The following CSTPP1 variants were observed in gnomAD, a reference collection of about 807,000 sequenced individuals.
CSTPP1 encodes the protein centriolar satellite-associated tubulin polyglutamylase complex regulator 1.
chr11:47,160,261 C>G, the CSTPP1 span: 1 of 148,064 alleles, frequency 6.8e-6, no homozygotes, highest in Non-Finnish European at 1.5e-5. Context: ...GCCATGATCA[C>G]TGCACTCCAG....
At chr11:46,993,865 G>C in the CSTPP1 span, among the ~76,000 whole-genome samples, 4 of 152,134 alleles carry the variant, frequency 2.6e-5, no homozygotes, top group African/African-American at 9.7e-5. Context: ...AATTACCTTG[G>C]GCAGTATGGC....
At chr11:46,998,341 C>T in the CSTPP1 span, among the ~76,000 whole-genome samples, 2 of 152,158 alleles carry the variant, frequency 1.3e-5, no homozygotes, top group Non-Finnish European at 2.9e-5. Context: ...CTGTAGGCAG[C>T]TTTTATCTAC....
At chr11:46,965,151 A>G in the CSTPP1 span, among the ~76,000 whole-genome samples, 1 of 152,190 alleles carries the variant, frequency 6.6e-6, no homozygotes, top group Non-Finnish European at 1.5e-5. Flanking sequence ...TTGAATTTAA[A>G]ACAGAAAATT....
the CSTPP1 span, among the ~76,000 whole-genome samples, chr11:47,091,804 G>C: frequency 6.6e-6 from 1 of 152,154 alleles, no homozygotes; most frequent in African/African-American, 2.4e-5. Flanking sequence ...ACATGACATG[G>C]GGCCACAAGC....
At chr11:47,146,770 A>G in the CSTPP1 span, among the ~76,000 whole-genome samples, 1 of 152,238 alleles carries the variant, frequency 6.6e-6, no homozygotes, top group African/African-American at 2.4e-5. Context: ...AACAATCTGC[A>G]CGTCCCTCTG....
the CSTPP1 span, among the ~76,000 whole-genome samples, chr11:47,103,395 G>A: frequency 2.3e-4 from 25 of 107,378 alleles, no homozygotes; most frequent in Middle Eastern, 5.1e-3. Context: ...GCAAGACCCT[G>A]TCTCAAAAAA....
chr11:47,039,511 A>C, the CSTPP1 span, among the ~76,000 whole-genome samples: 2 of 126,232 alleles, frequency 1.6e-5, 1 homozygote, highest in Non-Finnish European at 3.8e-5. Context: ...GAGCTCTGGT[A>C]CTTTCTTATA....
At chr11:47,069,799 C>T in the CSTPP1 span, among the ~76,000 whole-genome samples, 1 of 152,168 alleles carries the variant, frequency 6.6e-6, no homozygotes, top group African/African-American at 2.4e-5. Flanking sequence ...CCTCCTCCTC[C>T]TGGGTCCTGG....
chr11:47,155,453 G>A, the CSTPP1 span: 10 of 615,288 alleles, frequency 1.6e-5, 1 homozygote, highest in South Asian at 9.5e-5. Context: ...CTGCAGAGCC[G>A]ACTTCCTCAG....
the CSTPP1 span, among the ~76,000 whole-genome samples, chr11:46,974,134 G>A: frequency 1.3e-5 from 2 of 152,266 alleles, no homozygotes; most frequent in East Asian, 1.9e-4. Context: ...CCAGGGGGCT[G>A]AGGCAGGAGG....
the CSTPP1 span, among the ~76,000 whole-genome samples, chr11:47,107,098 T>C: frequency 6.6e-6 from 1 of 152,172 alleles, no homozygotes; most frequent in African/African-American, 2.4e-5. Context: ...CTGAGCTGTG[T>C]AGTGGAGCAG....
the CSTPP1 span, among the ~76,000 whole-genome samples, chr11:47,010,276 T>C: frequency 6.6e-6 from 1 of 152,208 alleles, no homozygotes; most frequent in Admixed American, 6.5e-5. Flanking sequence ...ATGGAGATCA[T>C]GTTGAGAAAT....
At chr11:47,096,291 G>A in the CSTPP1 span, among the ~76,000 whole-genome samples, 1 of 152,072 alleles carries the variant, frequency 6.6e-6, no homozygotes, top group Non-Finnish European at 1.5e-5. Flanking sequence ...CGCATTTCCA[G>A]AACTTTTTCA....
At chr11:47,000,425 T>C in the CSTPP1 span, among the ~76,000 whole-genome samples, 7 of 152,298 alleles carry the variant, frequency 4.6e-5, no homozygotes, top group African/African-American at 1.7e-4. Context: ...TTCCACATAC[T>C]AATATAGAAA....
the CSTPP1 span, among the ~76,000 whole-genome samples, chr11:47,120,073 G>C: frequency 6.6e-6 from 1 of 152,120 alleles, no homozygotes; most frequent in Non-Finnish European, 1.5e-5. This position sits in a 1 kb window ranked among gnomAD's most constrained non-coding sequence, Gnocchi z 4.2. Context: ...ACAATCCTAA[G>C]AGTCACCTGA....
chr11:47,143,863 T>C, the CSTPP1 span, among the ~76,000 whole-genome samples: 5 of 152,196 alleles, frequency 3.3e-5, no homozygotes, highest in Admixed American at 2.0e-4. Flanking sequence ...TAATAATAGT[T>C]GTAATGATTG....
At chr11:47,158,955 A>G in the CSTPP1 span, among the ~76,000 whole-genome samples, 12 of 152,332 alleles carry the variant, frequency 7.9e-5, no homozygotes, top group East Asian at 2.3e-3. Flanking sequence ...GAATGGGATT[A>G]AGGGAAGGAA....
At chr11:46,997,781 A>G in the CSTPP1 span, among the ~76,000 whole-genome samples, 2 of 152,176 alleles carry the variant, frequency 1.3e-5, no homozygotes, top group African/African-American at 4.8e-5. Flanking sequence ...CTTCTAACAG[A>G]CAGGACCCTC....
chr11:46,968,063 A>G, the CSTPP1 span, among the ~76,000 whole-genome samples: 1 of 151,068 alleles, frequency 6.6e-6, no homozygotes, highest in Admixed American at 6.6e-5. Flanking sequence ...GTCAGAACAG[A>G]GGAGACTTCT....
Sources: gnomAD v4.1 joint callset for allele counts (sites outside exome capture counted in the v4.1 genomes callset) on GRCh38, gnomAD v4.1.1 for gene constraint, Gnocchi (gnomAD v3.1) non-coding constraint, MANE v1.5 for transcripts, NCBI Gene and HGNC (gene_info 2026-07-23, HGNC 2026-07-21) for gene names.